The following WIPI1 variants were observed in gnomAD, a reference collection of about 807,000 sequenced individuals.
WIPI1 encodes WD repeat domain, phosphoinositide interacting 1, also known as WD repeat domain phosphoinositide-interacting protein 1.
A neutral mutation model predicts 55.3 loss-of-function variants in WIPI1; 45 were observed. The ratio of observed to expected loss-of-function variants is 0.81; its 90% CI spans 0.64 to 1.04. The LOEUF is 1.04. Among genes scored for constraint, WIPI1 ranks in the 50% least tolerant of loss-of-function variants. The pLI is 0.00. For synonymous variants in WIPI1, 195 were observed against 217.6 expected (o/e 0.90, Z 0.92); for missense variants, 445 against 559.0 (o/e 0.80, Z 2.06).
At chr17:68,442,073 T>C (rs2084102963) in intron 4 of WIPI1, among the ~76,000 whole-genome samples, 2 of 152,216 alleles carry the variant, frequency 1.3e-5, no homozygotes, top group Non-Finnish European at 2.9e-5. Flanking sequence ...AGCCCTGCAC[T>C]TTTAAACCTT....
At position 68,428,949 on chromosome 17, in the gene WIPI1, G is replaced by A; in HGVS notation, c.966-13C>T. 1 of 1,604,548 alleles carries A rather than the reference G, an allele frequency of 6.2e-7. No homozygotes were observed. The highest frequency in any genetic ancestry group is 8.5e-7 in the Non-Finnish European group (1 of 1,172,184). On this transcript the variant is annotated splice_polypyrimidine_tract_variant and intron_variant, in intron 9 of 12. Transcript: ENST00000262139. ...CAACTTCTGGATCCTAAGGGCCAAG[G>A]AAAACATAAACCGTGATGACAACGA...
chr17:68,448,241 A>T (rs1568648716), intron 3 of WIPI1: 1 of 152,170 alleles, frequency 6.6e-6, no homozygotes, highest in Non-Finnish European at 1.5e-5. Context: ...GAGTTGCTTA[A>T]ACCAAAATTT....
intron 3 of WIPI1, among the ~76,000 whole-genome samples, chr17:68,444,850 C>T (rs547061036): frequency 1.3e-4 from 19 of 151,260 alleles, no homozygotes; most frequent in African/African-American, 4.1e-4. Flanking sequence ...TTCCTTCTTC[C>T]CTCCCTCCAT....
intron 1 of WIPI1, among the ~76,000 whole-genome samples, chr17:68,454,967 C>T (rs1194863616): frequency 6.6e-6 from 1 of 152,152 alleles, no homozygotes; most frequent in Non-Finnish European, 1.5e-5. Flanking sequence ...AGACTTAGAC[C>T]TTATTTCATC....
At position 68,427,151 on chromosome 17, in the gene WIPI1, T is replaced by C; in HGVS notation, c.1176A>G (p.Ser392=). ...AATVARPSAS[S]ASTVPGYSED... is the part of the protein sequence containing the mutation. ...TCCACCCACCTGGCACCGTGGAGGC[T>C]GAAGATGCACTTGGTCTGGCTACGG... The change falls in exon 11 of 13, where the codon TCA becomes TCG. Residue 392 remains serine, a synonymous_variant. Coordinates refer to ENST00000262139, the MANE Select transcript of WIPI1 (RefSeq NM_017983.7). 6.2e-7 allele frequency: 1 copy of C among 1,614,002 alleles called. No homozygotes were observed. The highest frequency in any genetic ancestry group is 8.5e-7 in the Non-Finnish European group (1 of 1,179,956).
rs199649033 is a variant in WIPI1 at position 68,437,948 on chromosome 17, T to TAAAAAAAAA, written c.431-1478_431-1470dup. Among the ~76,000 whole-genome samples the TAAAAAAAAA allele has an allele frequency of 6.1e-4, 48 of 78,794 alleles. 1 individual carries two copies. Among genetic ancestry groups the TAAAAAAAAA allele is most frequent in the African/African-American group, 2.1e-3 (45 of 21,036 alleles). The allele number at this position is 78,794 out of a possible 152,430, so 51.7% of individuals were successfully genotyped here. On this transcript the variant is annotated intron_variant, in intron 4 of 12. Coordinates refer to ENST00000262139, the MANE Select transcript of WIPI1 (RefSeq NM_017983.7). ...GATCACGCAAGAGAGACATCTCTCT[T>TAAAAAAAAA]AAAAAAAAAAAAAAAAAAAAAAAAA...
chr17:68,437,770 C>A (rs1365342542), intron 4 of WIPI1, among the ~76,000 whole-genome samples: 5 of 151,742 alleles, frequency 3.3e-5, no homozygotes, highest in African/African-American at 1.2e-4. Flanking sequence ...AACCACTGAA[C>A]CAACATAAGC....
chr17:68,428,963 TGATGACAACGAAGATGGGCGATG>T, intron 9 of WIPI1, 27 bp from the exon 10 acceptor site: 1 of 1,570,542 alleles, frequency 6.4e-7, no homozygotes, highest in Non-Finnish European at 8.7e-7. Context: ...ACATAAACCG[TGATGACAACGAAGATGGGCGATG>T]GATTCGCTTC....
chr17:68,441,129 T>G (rs2084057563), intron 4 of WIPI1: 3 of 152,176 alleles, frequency 2.0e-5, no homozygotes. Flanking sequence ...AGGTCTGCAG[T>G]TGGCAGGACT....
intron 12 of WIPI1, among the ~76,000 whole-genome samples, chr17:68,422,930 C>G (rs1202752457): frequency 1.3e-5 from 2 of 152,084 alleles, no homozygotes; most frequent in Non-Finnish European, 2.9e-5. Context: ...AGTCTCTTTT[C>G]TTTCACTGCT....
At chr17:68,457,275 G>A (rs1025313311) in intron 1 of WIPI1, 67 bp downstream of exon 1, 12 of 1,520,242 alleles carry the variant, frequency 7.9e-6, no homozygotes, top group Middle Eastern at 1.7e-4. Flanking sequence ...GCTGCTCTCA[G>A]GACGACACCC....
At chr17:68,437,036 G>GTA (rs147374763) in intron 4 of WIPI1, among the ~76,000 whole-genome samples, 2 of 118,796 alleles carry the variant, frequency 1.7e-5, no homozygotes, top group African/African-American at 6.7e-5. Flanking sequence ...GTGTGTGTGT[G>GTA]TATATATTGC....
intron 8 of WIPI1, among the ~76,000 whole-genome samples, chr17:68,433,074 A>T (rs1412142706): frequency 6.6e-6 from 1 of 152,246 alleles, no homozygotes; most frequent in African/African-American, 2.4e-5. Context: ...ATATTGTTAT[A>T]TTTACAGCTA....
At chr17:68,424,226 C>T (rs542927034) in intron 12 of WIPI1, among the ~76,000 whole-genome samples, 31 of 152,310 alleles carry the variant, frequency 2.0e-4, no homozygotes, top group African/African-American at 5.1e-4. Flanking sequence ...ATATAAACTT[C>T]ACTTGCCAGC....
In WIPI1 at chr17:68,452,933, T is replaced by G. The variant is rs747841842; in HGVS notation, c.140A>C (p.Gln47Pro). Residue 47 changes from glutamine to proline, a missense_variant, in exon 2 of 13, where the codon CAG becomes CCG. Gln to Pro is a moderately conservative substitution (Grantham distance 76). Transcript: ENST00000262139. ...YKLFSLSSVE[Q>P]LDQVHGSNEI... Reference sequence around the variant, plus strand: ...ACTGCTTCCGTGGACTTGATCCAGCTGCTCCACAGAACTCAGAGAAAACAG... The same window carrying G: ...ACTGCTTCCGTGGACTTGATCCAGCGGCTCCACAGAACTCAGAGAAAACAG... The G allele has an allele frequency of 3.7e-5, 59 of 1,613,996 alleles. No individual in the cohort carries two copies. The highest frequency in any genetic ancestry group is 1.7e-4 in the Middle Eastern group (1 of 6,034).
intron 5 of WIPI1, 109 bp from the exon 6 acceptor site, chr17:68,435,821 T>C: frequency 1.0e-6 from 1 of 970,070 alleles, no homozygotes; most frequent in Non-Finnish European, 1.6e-6. Context: ...TCCAGCTCCC[T>C]GTCTCTTCCT....
chr17:68,457,255 G>C (rs1194485403), intron 1 of WIPI1, 87 bp downstream of exon 1: 2 of 1,476,258 alleles, frequency 1.4e-6, no homozygotes, highest in Non-Finnish European at 9.1e-7. Flanking sequence ...CCTCGAGGCG[G>C]AAGCCACAAG....
At chr17:68,426,254 G>GGCCCCCCCCCCCCCCCCC in intron 11 of WIPI1, 79 bp from the exon 12 acceptor site, 6 of 816,916 alleles carry the variant, frequency 7.3e-6, no homozygotes, top group East Asian at 7.0e-5. Flanking sequence ...GGGAGCGGGG[G>GGCCCCCCCCCCCCCCCCC]CTCAAATAAA....
At chr17:68,445,623 T>C (rs2084252617) in intron 3 of WIPI1, among the ~76,000 whole-genome samples, 1 of 152,214 alleles carries the variant, frequency 6.6e-6, no homozygotes, top group African/African-American at 2.4e-5. Context: ...ACATGAAAGC[T>C]TGTCAGGTTC....
Sources: gnomAD v4.1 joint callset for allele counts (sites outside exome capture counted in the v4.1 genomes callset) on GRCh38, gnomAD v4.1.1 for gene constraint, MANE v1.5 for transcripts, NCBI Gene and HGNC (gene_info 2026-07-23, HGNC 2026-07-21) for gene names.